Variants in DNAJB6 observed in about 807,000 individuals in gnomAD.
DNAJB6 encodes the protein DnaJ heat shock protein family (Hsp40) member B6.
Under a neutral mutation model 42.7 loss-of-function variants are expected in DNAJB6, and 16 were observed. The ratio of observed to expected loss-of-function variants is 0.37; its 90% CI spans 0.25 to 0.57. The LOEUF (loss-of-function observed/expected upper bound fraction) is 0.57. DNAJB6 is among the 20% of genes least tolerant of loss of function. DNAJB6 has a pLI of 0.74. For missense variants in DNAJB6, 347 were observed against 416.8 expected, an observed-to-expected ratio of 0.83 and a Z score of 1.46; for synonymous variants, 170 against 163.5, an observed-to-expected ratio of 1.04 and a Z score of -0.30.
intron 5 of DNAJB6, among the ~76,000 whole-genome samples, chr7:157,373,182 C>T (rs1800302653): frequency 1.3e-5 from 2 of 152,348 alleles, no homozygotes; most frequent in South Asian, 4.1e-4. Flanking sequence ...GTCACATTCA[C>T]AGGTACTGGG....
intron 8 of DNAJB6, among the ~76,000 whole-genome samples, chr7:157,399,247 GC>G (rs982189575): frequency 1.3e-5 from 2 of 152,134 alleles, no homozygotes; most frequent in African/African-American, 4.8e-5. Flanking sequence ...GGTCCCTGTG[GC>G]CCCCCGCCAT....
intron 2 of DNAJB6, among the ~76,000 whole-genome samples, chr7:157,360,627 C>G (rs1799535355): frequency 6.6e-6 from 1 of 152,188 alleles, no homozygotes; most frequent in Non-Finnish European, 1.5e-5. Flanking sequence ...AGTGAGATTT[C>G]CTGCACTCCT....
chr7:157,344,944 C>G (rs1798608155), intron 1 of DNAJB6, among the ~76,000 whole-genome samples: 1 of 152,084 alleles, frequency 6.6e-6, no homozygotes, highest in South Asian at 2.1e-4. Flanking sequence ...CTTTACAGCA[C>G]TGTCACTTTT....
intron 1 of DNAJB6, among the ~76,000 whole-genome samples, chr7:157,339,307 T>G (rs1798219511): frequency 7.2e-6 from 1 of 138,012 alleles, no homozygotes; most frequent in Non-Finnish European, 1.5e-5. Context: ...TTTTTTTTTT[T>G]TTTTGAGACG....
rs998245529 is a variant in DNAJB6 at position 157,395,101 on chromosome 7, C to A, written c.691+9490C>A. On this transcript the variant is annotated intron_variant, in intron 8 of 9. Coordinates refer to ENST00000262177, the MANE Select transcript of DNAJB6 (RefSeq NM_058246.4). ...AGAGCAAGACCCTGTGCCCGCCGCGCCCCCCCACCTCCCAAAAAACCCCAG... is the reference window on the plus strand; with the variant it reads ...AGAGCAAGACCCTGTGCCCGCCGCGACCCCCCACCTCCCAAAAAACCCCAG... Among the ~76,000 whole-genome samples the A allele has an allele frequency of 2.4e-5, 3 of 124,510 alleles. No individual in the cohort carries two copies. In the East Asian group the frequency reaches 6.2e-4, roughly 26 times the overall value. The allele number at this position is 124,510 out of a possible 152,430, so 81.7% of individuals were successfully genotyped here. A position where few individuals can be genotyped will look rare whatever the true frequency, so the allele number is the denominator to read the frequency against.
chr7:157,391,476 C>T (rs933032411), intron 8 of DNAJB6, among the ~76,000 whole-genome samples: 1 of 152,204 alleles, frequency 6.6e-6, no homozygotes, highest in South Asian at 2.1e-4. Context: ...GCACTGGACA[C>T]GGCCTCCTGC....
chr7:157,350,355 T>C (rs1798905358), intron 1 of DNAJB6, among the ~76,000 whole-genome samples: 1 of 152,138 alleles, frequency 6.6e-6, no homozygotes. Flanking sequence ...AGCCCCCAAA[T>C]ATCCAAAGGT....
chr7:157,345,644 T>G (rs371960704), intron 1 of DNAJB6, among the ~76,000 whole-genome samples: 2 of 152,316 alleles, frequency 1.3e-5, no homozygotes, highest in African/African-American at 2.4e-5. Context: ...CTTGTCTGTT[T>G]CGGCTTTTGT....
intron 2 of DNAJB6, among the ~76,000 whole-genome samples, chr7:157,361,468 GT>G (rs1799593396): frequency 6.6e-6 from 1 of 152,024 alleles, no homozygotes; most frequent in Non-Finnish European, 1.5e-5. Flanking sequence ...CTACATGTTT[GT>G]TTAGGTCCAC....
intron 1 of DNAJB6, among the ~76,000 whole-genome samples, chr7:157,342,550 G>A (rs984888096): frequency 6.6e-6 from 1 of 152,074 alleles, no homozygotes. Flanking sequence ...TCCAACTCCT[G>A]ACCTCAGGTC....
At position 157,416,040 on chromosome 7, in the gene DNAJB6, A is replaced by G. The variant is rs760098587; in HGVS notation, c.923A>G (p.Lys308Arg). The G allele has an allele frequency of 3.1e-6, 5 of 1,614,088 alleles. No individual in the cohort carries two copies. The highest frequency in any genetic ancestry group is 1.3e-5 in the African/African-American group (1 of 74,928). The change falls in exon 10 of 10, where the codon AAG (lysine) becomes AGG (arginine). Residue 308 changes from lysine to arginine, a missense_variant. Lys to Arg is a conservative substitution (Grantham distance 26). Around this residue, in one of 3 missense-constraint regions of DNAJB6, gnomAD observed 264 missense variants for 288.0 expected, o/e 0.92. Transcript: ENST00000262177. The part of the protein sequence containing the change: ...AAGLKEGGKR[K>R]KQKQREESKK... Reference sequence around the variant, plus strand: ...GGATTGAAAGAAGGTGGCAAGAGGAAGAAGCAGAAGCAGAGAGAGGAGTCG... The same window carrying G: ...GGATTGAAAGAAGGTGGCAAGAGGAGGAAGCAGAAGCAGAGAGAGGAGTCG...
intron 8 of DNAJB6, among the ~76,000 whole-genome samples, chr7:157,397,968 C>T (rs144819785): frequency 1.3e-5 from 2 of 152,336 alleles, no homozygotes; most frequent in African/African-American, 2.4e-5. Context: ...GCTGAGATGG[C>T]GCCACTGCAC....
In DNAJB6 at chr7:157,340,239, C is replaced by T. The variant is rs115491504; in HGVS notation, c.-27+3095C>T. 5.4e-3 allele frequency among the ~76,000 whole-genome samples: 821 copies of T among 152,302 alleles called. 12 individuals are homozygous for T. The highest frequency in any genetic ancestry group is 0.018 in the African/African-American group (754 of 41,550). ...AAACCTTTTTAAAACTTTTTCATTT[C>T]CTCAGAAATGATTCTGTTCAAAATG... is the stretch of plus-strand genomic sequence containing the variant. On this transcript the variant is annotated intron_variant, in intron 1 of 9. Coordinates refer to ENST00000262177, the MANE Select transcript of DNAJB6 (RefSeq NM_058246.4).
intron 1 of DNAJB6, chr7:157,340,087 G>A (rs1346624949): frequency 6.6e-6 from 1 of 152,228 alleles, no homozygotes; most frequent in Non-Finnish European, 1.5e-5. Context: ...AATGCTTACA[G>A]ATATCTGTTG....
intron 1 of DNAJB6, among the ~76,000 whole-genome samples, chr7:157,358,067 A>C (rs1465392320): frequency 6.6e-6 from 1 of 152,014 alleles, no homozygotes; most frequent in East Asian, 1.9e-4. Context: ...AGAATGGTGG[A>C]AGGATGGCTT....
intron 5 of DNAJB6, 104 bp downstream of exon 5, chr7:157,367,587 G>A (rs1451128044): frequency 1.3e-5 from 10 of 782,844 alleles, no homozygotes; most frequent in South Asian, 8.9e-5. Flanking sequence ...TAGGCTGGGC[G>A]CGGTGGCTCA....
intron 1 of DNAJB6, among the ~76,000 whole-genome samples, chr7:157,345,684 CAA>C (rs1798647603): frequency 6.6e-6 from 1 of 152,102 alleles, no homozygotes; most frequent in Non-Finnish European, 1.5e-5. Flanking sequence ...CATATCCAAA[CAA>C]AGATTGCTGA....
In DNAJB6 at chr7:157,361,161, G is replaced by GT. The variant is rs11334356; in HGVS notation, c.66-1985dup. On this transcript the variant is annotated intron_variant, in intron 2 of 9. Transcript: ENST00000262177. The stretch of plus-strand genomic sequence containing the variant: ...AGGGTTATTTGATCCACTGCTACAC[G>GT]TTTTTTTTTTTTTTTGAGACGGTGT... Among the ~76,000 whole-genome samples, 278 of 138,874 alleles carry GT rather than the reference G, an allele frequency of 2.0e-3. 1 individual carries two copies. The highest frequency in any genetic ancestry group is 3.0e-3 in the African/African-American group (115 of 37,800). 91.1% of individuals were successfully genotyped at this position (138,874 alleles called of 152,430 possible).
chr7:157,354,842 G>A (rs1378482120), intron 1 of DNAJB6, among the ~76,000 whole-genome samples: 4 of 152,202 alleles, frequency 2.6e-5, no homozygotes, highest in Non-Finnish European at 5.9e-5. Flanking sequence ...TGGCGAAGGT[G>A]AACATTTCAC....
Sources: allele counts gnomAD v4.1 joint callset (sites outside exome capture counted in the v4.1 genomes callset), GRCh38; gene constraint gnomAD v4.1.1; regional missense constraint gnomAD v4.1.1; transcripts MANE v1.5; gene names NCBI Gene and HGNC (gene_info 2026-07-23, HGNC 2026-07-21).